The following DCP1A variants were observed in gnomAD, a reference collection of about 807,000 sequenced individuals.
The protein encoded by DCP1A is mRNA-decapping enzyme 1A.
Under a neutral mutation model 58.0 loss-of-function variants are expected in DCP1A, and 20 were observed. The observed-to-expected ratio is 0.34, with a 90% CI of 0.24 to 0.50. The LOEUF (loss-of-function observed/expected upper bound fraction) is 0.50, where lower values mean the gene tolerates loss of function less well. DCP1A is among the 20% of genes least tolerant of loss of function. The pLI, the probability that DCP1A is intolerant of heterozygous loss-of-function variation, is 0.98. For synonymous variants in DCP1A, 285 were observed against 275.1 expected (o/e 1.04, Z -0.36); for missense variants, 613 against 712.2 (o/e 0.86, Z 1.59).
At chr3:53,339,211 G>T (rs12629138) in intron 3 of DCP1A, among the ~76,000 whole-genome samples, 6,039 of 152,192 alleles carry the variant, frequency 0.04, 167 homozygotes, top group Non-Finnish European at 0.063. Flanking sequence ...ACTCGAGAGG[G>T]CTTAACACTC....
intron 1 of DCP1A, 78 bp downstream of exon 1, chr3:53,347,305 A>C (rs1450802530): frequency 6.5e-5 from 85 of 1,309,572 alleles, no homozygotes; most frequent in East Asian, 9.8e-5. Context: ...GTGCCCCCCC[A>C]CCCCACAGTA....
Position 53,292,132 on chromosome 3 carries a change from C to A in DCP1A, c.1320G>T (p.Lys440Asn). The change falls in exon 7 of 10, where the codon AAG becomes AAT. Residue 440 changes from lysine to asparagine, a missense_variant. Physicochemically the swap from Lys to Asn is moderately conservative, Grantham distance 94. Transcript: ENST00000610213. ...TPESFIEPPS[K>N]TAAARVAASA... ...AGGCCGCCACTCTTGCTGCTGCTGT[C>A]TTAGAGGGAGGCTCTATGAAGCTCT... 6.2e-7 allele frequency: 1 copy of A among 1,613,852 alleles called. No homozygotes were observed. Among genetic ancestry groups the A allele is most frequent in the Non-Finnish European group, 8.5e-7 (1 of 1,179,880 alleles).
Position 53,346,565 on chromosome 3 carries a change from G to T in DCP1A, c.135+818C>A, listed in dbSNP as rs550817808. Among the ~76,000 whole-genome samples, 5 of 152,266 alleles carry T rather than the reference G, an allele frequency of 3.3e-5. No individual in the cohort carries two copies. The South Asian group carries it at 8.3e-4, about 25-fold the overall frequency. ...TAGGAAGGGTCAATTACAAGAAAGT[G>T]GGAAATTATGCTTTTTAAACAACTA... is the stretch of plus-strand genomic sequence containing the variant. On this transcript the variant is annotated intron_variant, in intron 1 of 9. Coordinates refer to ENST00000610213, the MANE Select transcript of DCP1A (RefSeq NM_018403.7).
At chr3:53,288,968 C>T (rs530187044) in intron 8 of DCP1A, among the ~76,000 whole-genome samples, 16 of 151,640 alleles carry the variant, frequency 1.1e-4, no homozygotes, top group Non-Finnish European at 2.2e-4. Flanking sequence ...TGAGCCGAGA[C>T]TGCACCATTG....
rs1441824824 is a variant in DCP1A, at chr3:53,307,857, T to C, written c.511-3567A>G. ...TAAGGATATATCGCCAAGTTCTTAA[T>C]AGAATTAGAGAAGCCTAGGGTATCA... On this transcript the variant is annotated intron_variant, in intron 5 of 9. Transcript: ENST00000610213. Among the ~76,000 whole-genome samples, 7 of 152,326 alleles carry C rather than the reference T, an allele frequency of 4.6e-5. No individual in the cohort carries two copies. The East Asian group carries it at 5.8e-4, about 13-fold the overall frequency.
intron 4 of DCP1A, among the ~76,000 whole-genome samples, chr3:53,314,040 A>G (rs1553688944): frequency 6.6e-6 from 1 of 151,678 alleles, no homozygotes; most frequent in East Asian, 1.9e-4. Flanking sequence ...CCACCCATTG[A>G]ATTTTTGTTT....
chr3:53,333,942 G>A (rs1485686953), intron 3 of DCP1A, among the ~76,000 whole-genome samples: 2 of 151,836 alleles, frequency 1.3e-5, no homozygotes, highest in African/African-American at 4.8e-5. Flanking sequence ...ACCTTTCCAC[G>A]ATCTTAGAGT....
rs1233773632 is a variant in DCP1A, at chr3:53,304,107, C to T, written c.624+70G>A. On this transcript the variant is annotated intron_variant, in intron 6 of 9. Transcript: ENST00000610213. ...ACACAACTGACAAATCAAACTTGCA[C>T]TCATTAGAATCCTTACTGAATGTTA... 8.6e-6 allele frequency: 10 copies of T among 1,159,612 alleles called. No homozygotes were observed. In the African/African-American group the frequency reaches 1.4e-4, roughly 16 times the overall value. 71.8% of individuals were successfully genotyped at this position (1,159,612 alleles called of 1,614,324 possible).
chr3:53,319,260 C>T (rs1315938464), intron 4 of DCP1A, 147 bp downstream of exon 4: 3 of 529,186 alleles, frequency 5.7e-6, no homozygotes, highest in Non-Finnish European at 1.0e-5. Flanking sequence ...TATTTTAAAG[C>T]TTTTCAGCCT....
rs1559702730 is a variant in DCP1A, at chr3:53,331,618, G to T, written c.304+10526C>A. 7.3e-5 allele frequency among the ~76,000 whole-genome samples: 11 copies of T among 151,680 alleles called. No individual in the cohort carries two copies. The East Asian group carries it at 1.7e-3, about 24-fold the overall frequency. On this transcript the variant is annotated intron_variant, in intron 3 of 9. Transcript: ENST00000610213. Reference sequence around the variant, plus strand: ...GCATACAACAAAACTGCCTAATGGCGCCTTTAGGACATATCCCTGTTGTTA... The same window carrying T: ...GCATACAACAAAACTGCCTAATGGCTCCTTTAGGACATATCCCTGTTGTTA...
intron 3 of DCP1A, among the ~76,000 whole-genome samples, chr3:53,335,959 C>T (rs6789502): frequency 0.01 from 1,513 of 150,884 alleles, 20 homozygotes; most frequent in African/African-American, 0.034. Context: ...CAGGTCCACC[C>T]GGCTAATTTT....
intron 6 of DCP1A, among the ~76,000 whole-genome samples, chr3:53,298,820 G>A (rs561804148): frequency 1.4e-4 from 21 of 152,330 alleles, no homozygotes; most frequent in Non-Finnish European, 2.6e-4. Context: ...GTCAATGATG[G>A]ACTGCATATA....
intron 3 of DCP1A, among the ~76,000 whole-genome samples, chr3:53,335,384 A>T (rs36116531): frequency 0.71 from 107,134 of 151,482 alleles, 38,455 homozygotes; most frequent in Non-Finnish European, 0.77. Context: ...CAAGTGATCC[A>T]GCCTGCCTAG....
intron 6 of DCP1A, 52 bp from the exon 7 acceptor site, chr3:53,292,879 T>C: frequency 2.0e-6 from 3 of 1,519,476 alleles, no homozygotes; most frequent in Non-Finnish European, 1.8e-6. Flanking sequence ...TAAATCAGCA[T>C]AACCAAACTT....
At chr3:53,308,420 C>G (rs1363617409) in intron 5 of DCP1A, among the ~76,000 whole-genome samples, 2 of 151,980 alleles carry the variant, frequency 1.3e-5, no homozygotes, top group Non-Finnish European at 2.9e-5. Context: ...AGCCTCCAAA[C>G]AGCCAGGACC....
chr3:53,319,333 C>G (rs371317396), intron 4 of DCP1A, 74 bp downstream of exon 4: 1 of 990,508 alleles, frequency 1.0e-6, no homozygotes, highest in African/African-American at 1.6e-5. Context: ...ACTTTAGTAA[C>G]AAAGAGAAGT....
chr3:53,330,654 T>C (rs2088977583), intron 3 of DCP1A, among the ~76,000 whole-genome samples: 1 of 151,936 alleles, frequency 6.6e-6, no homozygotes, highest in African/African-American at 2.4e-5. Flanking sequence ...ACTAAAAATA[T>C]AAACAAAATT....
chr3:53,292,819 T>G lies in DCP1A; in HGVS notation c.633A>C (p.Pro211=). 4 of 1,601,442 alleles carry G rather than the reference T, an allele frequency of 2.5e-6. No individual in the cohort carries two copies. The highest frequency in any genetic ancestry group is 2.5e-6 in the Non-Finnish European group (3 of 1,177,344). The change falls in exon 7 of 10, where the codon CCA becomes CCC. Residue 211 remains proline (P), a synonymous_variant. Transcript: ENST00000610213. ...MPSGSQDKSA[P]SGHKHLTVEE... Reference sequence around the variant, plus strand: ...CTACCGTCAGATGCTTGTGTCCAGATGGAGCAGACTGAAAAACAAATGAAA... The same window carrying G: ...CTACCGTCAGATGCTTGTGTCCAGAGGGAGCAGACTGAAAAACAAATGAAA...
chr3:53,287,923 G>A, intron 9 of DCP1A, 142 bp downstream of exon 9: 1 of 819,058 alleles, frequency 1.2e-6, no homozygotes, highest in Non-Finnish European at 1.9e-6. Context: ...CCATAGTGCT[G>A]GGATTACAGG....
Sources: gnomAD v4.1 joint callset for allele counts (sites outside exome capture counted in the v4.1 genomes callset) on GRCh38, gnomAD v4.1.1 for gene constraint, MANE v1.5 for transcripts, NCBI Gene and HGNC (gene_info 2026-07-23, HGNC 2026-07-21) for gene names.